ATXN7L1: variants seen among roughly 807,000 people sequenced by gnomAD.
The protein encoded by ATXN7L1 is ataxin 7 like 1.
ATXN7L1 carries 15 observed loss-of-function variants against 70.8 expected under a neutral mutation model. That is an observed-to-expected ratio of 0.21 (90% confidence interval 0.14 to 0.33). The LOEUF is 0.33. Among genes scored for constraint, ATXN7L1 ranks in the 10% least tolerant of loss-of-function variants. The probability of loss-of-function intolerance (pLI) is 1.00; values close to 1 mark genes in which losing one functional copy is unlikely to be tolerated. For missense variants in ATXN7L1, 975 were observed against 1,097.1 expected, an observed-to-expected ratio of 0.89 and a Z score of 1.57; for synonymous variants, 440 against 445.1, an observed-to-expected ratio of 0.99 and a Z score of 0.14.
chr7:105,624,200 G>C lies in ATXN7L1; in HGVS notation c.1270C>G (p.Pro424Ala). ...SNHSGHTPEP[P>A]LPPVGGDLAS... The stretch of plus-strand genomic sequence containing the variant: ...AGGTCACCTCCAACCGGTGGGAGTG[G>C]GGGCTCTGGAGTGTGGCCGCTATGA... The change falls in exon 8 of 12, where the codon CCA becomes GCA. Residue 424 changes from proline (P) to alanine (A), a missense_variant. By Grantham distance (27) the Pro-to-Ala change is conservative. This residue lies in a region of ATXN7L1 where 635 missense variants were observed against 699.4 expected (regional missense o/e 0.91). Transcript: ENST00000419735. The C allele has an allele frequency of 6.5e-7, 1 of 1,528,226 alleles. No homozygotes were observed. The highest frequency in any genetic ancestry group is 8.8e-7 in the Non-Finnish European group (1 of 1,133,728). The allele number at this position is 1,528,226 out of a possible 1,614,324, so 94.7% of individuals were successfully genotyped here. A position where few individuals can be genotyped will look rare whatever the true frequency, so the allele number is the denominator to read the frequency against.
At chr7:105,835,300 G>T (rs1221086970) in intron 2 of ATXN7L1, among the ~76,000 whole-genome samples, 1 of 151,370 alleles carries the variant, frequency 6.6e-6, no homozygotes, top group Non-Finnish European at 1.5e-5. Flanking sequence ...GACTACAGGC[G>T]CATGCCACCA....
chr7:105,620,160 G>C, intron 9 of ATXN7L1, 40 bp downstream of exon 9: 1 of 1,546,870 alleles, frequency 6.5e-7, no homozygotes. Flanking sequence ...TAACTGTGGG[G>C]CAGCTTGGAT....
At chr7:105,759,073 C>G (rs978143393) in intron 3 of ATXN7L1, among the ~76,000 whole-genome samples, 1 of 151,700 alleles carries the variant, frequency 6.6e-6, no homozygotes, top group Non-Finnish European at 1.5e-5. Context: ...ACATCACCAA[C>G]TACTACACAG....
intron 3 of ATXN7L1, among the ~76,000 whole-genome samples, chr7:105,742,546 C>G (rs1448112521): frequency 1.3e-5 from 2 of 152,144 alleles, no homozygotes; most frequent in African/African-American, 4.8e-5. Context: ...AGAGGTAGAG[C>G]AACTTTCCCA....
At chr7:105,770,901 T>C (rs1801890391) in intron 3 of ATXN7L1, among the ~76,000 whole-genome samples, 3 of 152,102 alleles carry the variant, frequency 2.0e-5, no homozygotes, top group Admixed American at 2.0e-4. Flanking sequence ...CCAAGGATCA[T>C]GTTAAAAATA....
chr7:105,737,074 A>G (rs1797459679), intron 3 of ATXN7L1, among the ~76,000 whole-genome samples: 1 of 152,250 alleles, frequency 6.6e-6, no homozygotes, highest in Admixed American at 6.5e-5. Flanking sequence ...CTTTTAAAAA[A>G]GGGAATCTCT....
chr7:105,839,311 T>G (rs1475858735), intron 2 of ATXN7L1, among the ~76,000 whole-genome samples: 6 of 151,908 alleles, frequency 3.9e-5, no homozygotes. Flanking sequence ...GCCTGATGGT[T>G]TGGCATCTCA....
chr7:105,751,458 C>G (rs1275699179), intron 3 of ATXN7L1, among the ~76,000 whole-genome samples: 2 of 152,070 alleles, frequency 1.3e-5, no homozygotes, highest in Non-Finnish European at 2.9e-5. Flanking sequence ...ATGGGGAAAC[C>G]CCCGTCTCTA....
chr7:105,767,402 C>T (rs992397106), intron 3 of ATXN7L1, among the ~76,000 whole-genome samples: 7 of 152,176 alleles, frequency 4.6e-5, no homozygotes, highest in African/African-American at 1.2e-4. Context: ...CTTGCTGCTT[C>T]TCTCCCGCCA....
chr7:105,805,735 C>T (rs949415492), intron 2 of ATXN7L1, among the ~76,000 whole-genome samples: 7 of 152,224 alleles, frequency 4.6e-5, no homozygotes, highest in African/African-American at 1.7e-4. Context: ...TCCAGGCAGT[C>T]GCAGGGGGAG....
intron 3 of ATXN7L1, among the ~76,000 whole-genome samples, chr7:105,723,354 C>T (rs560132622): frequency 6.6e-5 from 10 of 152,184 alleles, no homozygotes; most frequent in African/African-American, 1.7e-4. Flanking sequence ...ACATATCAAG[C>T]GCTCAGAAAA....
chr7:105,853,591 AAAAC>A (rs1031188793), intron 2 of ATXN7L1, among the ~76,000 whole-genome samples: 9 of 148,014 alleles, frequency 6.1e-5, no homozygotes, highest in Non-Finnish European at 1.0e-4. Flanking sequence ...ACAAACAAAA[AAAAC>A]AAAAAAAGCC....
intron 4 of ATXN7L1, among the ~76,000 whole-genome samples, chr7:105,645,132 C>A (rs1798797866): frequency 6.6e-6 from 1 of 151,750 alleles, no homozygotes; most frequent in Non-Finnish European, 1.5e-5. Context: ...CGTTGAACAA[C>A]TGTATAGAGT....
At chr7:105,675,821 C>T (rs984784048) in intron 3 of ATXN7L1, among the ~76,000 whole-genome samples, 3 of 149,966 alleles carry the variant, frequency 2.0e-5, no homozygotes, top group Admixed American at 1.3e-4. Context: ...GGTGCCAATA[C>T]AAATGCAGGA....
chr7:105,660,730 G>A lies in ATXN7L1; in HGVS notation c.578+4336C>T, dbSNP rs377636677. ...CCCAAGTAGCTGGGATTACAGGTGC[G>A]CACCACCACACCCAGCTAATTTTTG... is the stretch of plus-strand genomic sequence containing the variant. On this transcript the variant is annotated intron_variant, in intron 4 of 11. Coordinates refer to ENST00000419735, the MANE Select transcript of ATXN7L1 (RefSeq NM_020725.2). Among the ~76,000 whole-genome samples, 13 of 151,718 alleles carry A rather than the reference G, an allele frequency of 8.6e-5. No homozygotes were observed. In the East Asian group the frequency reaches 1.4e-3, roughly 16 times the overall value.
chr7:105,624,013 T>C, intron 8 of ATXN7L1, 62 bp downstream of exon 8: 5 of 1,296,700 alleles, frequency 3.9e-6, no homozygotes, highest in Non-Finnish European at 5.0e-6. Flanking sequence ...TCTGGTATGA[T>C]CACCTAAGTG....
intron 3 of ATXN7L1, among the ~76,000 whole-genome samples, chr7:105,784,503 A>G (rs1803993360): frequency 6.6e-6 from 1 of 152,072 alleles, no homozygotes; most frequent in Non-Finnish European, 1.5e-5. Flanking sequence ...AAGATCTTGA[A>G]CACTGCCATG....
chr7:105,757,238 C>T (rs913625944), intron 3 of ATXN7L1, among the ~76,000 whole-genome samples: 10 of 151,894 alleles, frequency 6.6e-5, no homozygotes, highest in Non-Finnish European at 1.5e-4. Context: ...CTCCTCTCTG[C>T]TCACATTCAC....
chr7:105,704,857 C>T (rs1413425685), intron 3 of ATXN7L1, among the ~76,000 whole-genome samples: 1 of 151,038 alleles, frequency 6.6e-6, no homozygotes, highest in African/African-American at 2.4e-5. Flanking sequence ...GTGATCTGCC[C>T]CCCTTGGCCT....
Sources: allele counts gnomAD v4.1 joint callset (sites outside exome capture counted in the v4.1 genomes callset), GRCh38; gene constraint gnomAD v4.1.1; regional missense constraint gnomAD v4.1.1; transcripts MANE v1.5; gene names NCBI Gene and HGNC (gene_info 2026-07-23, HGNC 2026-07-21).